Variants in PRKG1 observed in about 807,000 individuals in gnomAD.
The protein encoded by PRKG1 is cGMP-dependent protein kinase 1.
In PRKG1, 35 loss-of-function variants were observed where a neutral mutation model predicts 88.1. The ratio of observed to expected loss-of-function variants is 0.40; its 90% CI spans 0.30 to 0.53. The LOEUF (loss-of-function observed/expected upper bound fraction) is 0.53. Among genes scored for constraint, PRKG1 ranks in the 20% least tolerant of loss-of-function variants. PRKG1 has a pLI of 0.59. For synonymous variants in PRKG1, 303 were observed against 292.5 expected (o/e 1.04, Z -0.37); for missense variants, 540 against 839.8 (o/e 0.64, Z 4.41).
At chr10:51,376,382 T>A (rs1842817066) in intron 2 of PRKG1, among the ~76,000 whole-genome samples, 1 of 152,214 alleles carries the variant, frequency 6.6e-6, no homozygotes, top group African/African-American at 2.4e-5. Flanking sequence ...TACCAATAAT[T>A]ATTAGGGATT....
chr10:52,259,892 T>A (rs887443579), intron 10 of PRKG1, among the ~76,000 whole-genome samples: 1 of 152,098 alleles, frequency 6.6e-6, no homozygotes, highest in Non-Finnish European at 1.5e-5. Context: ...TTAGCTACAG[T>A]TGATGTCCTC....
At position 52,278,374 on chromosome 10, in the gene PRKG1, C is replaced by A. The variant is rs117710868; in HGVS notation, c.1404-2415C>A. Among the ~76,000 whole-genome samples, 282 of 152,200 alleles carry A rather than the reference C, an allele frequency of 1.9e-3. 8 individuals carry two copies. The East Asian group carries it at 0.043, about 23-fold the overall frequency. Reference sequence around the variant, plus strand: ...CTTTTACACTGTTGGTGGAAGTGTACATTAATTCAACCATTGTGGACAGTA... The same window carrying A: ...CTTTTACACTGTTGGTGGAAGTGTAAATTAATTCAACCATTGTGGACAGTA... On this transcript the variant is annotated intron_variant, in intron 12 of 17. Transcript: ENST00000373980.
chr10:51,076,090 C>T (rs973703699), intron 1 of PRKG1, among the ~76,000 whole-genome samples: 1 of 152,118 alleles, frequency 6.6e-6, no homozygotes. Flanking sequence ...TTGATTATCT[C>T]TATTTGTATT....
chr10:51,046,838 G>A (rs568488577), intron 1 of PRKG1, among the ~76,000 whole-genome samples: 6 of 152,238 alleles, frequency 3.9e-5, no homozygotes, highest in Non-Finnish European at 5.9e-5. Flanking sequence ...TAATACTGTC[G>A]GGTGATTCAT....
intron 6 of PRKG1, 81 bp from the exon 7 acceptor site, chr10:52,062,456 G>T (rs1301758459): frequency 6.4e-6 from 5 of 777,318 alleles, no homozygotes; most frequent in Admixed American, 3.2e-5. Flanking sequence ...AACAAGAAAC[G>T]GAATTAACTT....
At chr10:51,817,172 G>A (rs1196279592) in intron 4 of PRKG1, among the ~76,000 whole-genome samples, 1 of 152,048 alleles carries the variant, frequency 6.6e-6, no homozygotes, top group Non-Finnish European at 1.5e-5. Flanking sequence ...GGGGCCCAAA[G>A]GAATGGCAGA....
At chr10:51,158,822 T>C (rs1846284051) in intron 2 of PRKG1, among the ~76,000 whole-genome samples, 1 of 152,088 alleles carries the variant, frequency 6.6e-6, no homozygotes, top group Non-Finnish European at 1.5e-5. Context: ...TTTATTTTTA[T>C]TTTTTAAGAA....
At chr10:51,818,649 G>A (rs753299139) in intron 4 of PRKG1, among the ~76,000 whole-genome samples, 14 of 152,068 alleles carry the variant, frequency 9.2e-5, no homozygotes, top group Admixed American at 5.2e-4. Context: ...CACAGCACAC[G>A]CATACATATT....
At chr10:51,852,258 T>C (rs541982558) in intron 4 of PRKG1, among the ~76,000 whole-genome samples, 1 of 148,852 alleles carries the variant, frequency 6.7e-6, no homozygotes, top group African/African-American at 2.5e-5. Flanking sequence ...ATATAAAGTA[T>C]ATATATGTAA....
chr10:51,834,789 G>A (rs775847341), intron 4 of PRKG1, among the ~76,000 whole-genome samples: 10 of 151,990 alleles, frequency 6.6e-5, no homozygotes, highest in Non-Finnish European at 1.5e-4. Flanking sequence ...AAAAGAAAGT[G>A]AGGGTATGAA....
intron 7 of PRKG1, among the ~76,000 whole-genome samples, chr10:52,125,046 A>G (rs1028685953): frequency 6.6e-6 from 1 of 152,150 alleles, no homozygotes; most frequent in African/African-American, 2.4e-5. Flanking sequence ...TTTTTTAGTA[A>G]GTAGGAGTAC....
chr10:51,048,525 TTA>T (rs1189590456), intron 1 of PRKG1, among the ~76,000 whole-genome samples: 1 of 152,208 alleles, frequency 6.6e-6, no homozygotes, highest in Non-Finnish European at 1.5e-5. Flanking sequence ...AAATCTTCGT[TTA>T]TATGATTTGA....
chr10:51,675,825 C>G (rs1472474110), intron 3 of PRKG1, among the ~76,000 whole-genome samples: 1 of 152,130 alleles, frequency 6.6e-6, no homozygotes, highest in Non-Finnish European at 1.5e-5. Context: ...AGAAATTCAT[C>G]TCCTTCTGAT....
At chr10:52,215,022 T>C (rs1840074264) in intron 9 of PRKG1, among the ~76,000 whole-genome samples, 2 of 137,420 alleles carry the variant, frequency 1.5e-5, no homozygotes, top group African/African-American at 5.6e-5. Flanking sequence ...GTTAAAATAA[T>C]GATAAAAGTT....
chr10:51,571,582 T>G (rs1589093760), intron 3 of PRKG1, among the ~76,000 whole-genome samples: 2 of 151,864 alleles, frequency 1.3e-5, no homozygotes, highest in South Asian at 4.1e-4. Flanking sequence ...GAAGAAGTTT[T>G]CACGAGCTCT....
chr10:51,801,308 C>T (rs1362151605), intron 3 of PRKG1, among the ~76,000 whole-genome samples: 1 of 152,082 alleles, frequency 6.6e-6, no homozygotes, highest in Non-Finnish European at 1.5e-5. Context: ...TTTATGGACA[C>T]AGAAAATTGT....
At chr10:51,806,585 T>A (rs1316520917) in intron 4 of PRKG1, among the ~76,000 whole-genome samples, 1 of 152,172 alleles carries the variant, frequency 6.6e-6, no homozygotes, top group Non-Finnish European at 1.5e-5. Flanking sequence ...GTTCACATTG[T>A]TTGTGAACAT....
chr10:51,944,640 T>G (rs1399886276), intron 5 of PRKG1, among the ~76,000 whole-genome samples: 2 of 152,064 alleles, frequency 1.3e-5, no homozygotes, highest in Non-Finnish European at 2.9e-5. Context: ...GTCCCAGAGA[T>G]TCTGGTATGT....
intron 5 of PRKG1, among the ~76,000 whole-genome samples, chr10:51,952,449 A>G (rs1415852706): frequency 2.0e-5 from 3 of 152,212 alleles, no homozygotes; most frequent in Non-Finnish European, 2.9e-5. Flanking sequence ...TTTGGACAAT[A>G]CAATATGATT....
Sources: gnomAD v4.1 joint callset for allele counts (sites outside exome capture counted in the v4.1 genomes callset) on GRCh38, gnomAD v4.1.1 for gene constraint, MANE v1.5 for transcripts, NCBI Gene and HGNC (gene_info 2026-07-23, HGNC 2026-07-21) for gene names.